The following SLC6A11 variants were observed in gnomAD, a reference collection of about 807,000 sequenced individuals.
The protein encoded by SLC6A11 is sodium- and chloride-dependent GABA transporter 3.
SLC6A11 carries 25 observed loss-of-function variants against 74.8 expected under a neutral mutation model. The ratio of observed to expected loss-of-function variants is 0.33; its 90% confidence interval spans 0.24 to 0.47. The LOEUF is 0.47. Among genes scored for constraint, SLC6A11 ranks in the 20% least tolerant of loss-of-function variants. The pLI is 1.00. For missense variants in SLC6A11, 574 were observed against 837.0 expected, an observed-to-expected ratio of 0.69 and a Z score of 3.88; for synonymous variants, 330 against 330.2, an observed-to-expected ratio of 1.00 and a Z score of 0.01.
chr3:10,896,316 G>A (rs1463700848), intron 6 of SLC6A11, among the ~76,000 whole-genome samples: 2 of 152,222 alleles, frequency 1.3e-5, no homozygotes, highest in African/African-American at 2.4e-5. Flanking sequence ...GCTTTTTCAG[G>A]CCCAAAGGAA....
intron 4 of SLC6A11, among the ~76,000 whole-genome samples, chr3:10,827,151 A>G (rs1336291637): frequency 2.0e-5 from 3 of 152,220 alleles, no homozygotes; most frequent in Admixed American, 6.5e-5. Flanking sequence ...ATATCATCCT[A>G]TGAAAAGCTT....
At chr3:10,861,711 G>A (rs1694704970) in intron 5 of SLC6A11, among the ~76,000 whole-genome samples, 1 of 152,190 alleles carries the variant, frequency 6.6e-6, no homozygotes, top group African/African-American at 2.4e-5. Context: ...GGACCCTGGT[G>A]TCCTGTGGGA....
At chr3:10,908,055 C>G (rs1252964610) in intron 6 of SLC6A11, among the ~76,000 whole-genome samples, 1 of 152,130 alleles carries the variant, frequency 6.6e-6, no homozygotes, top group Admixed American at 6.5e-5. Flanking sequence ...CATGTGAACT[C>G]TAGATTTCAA....
At chr3:10,831,513 A>C (rs1248604706) in intron 4 of SLC6A11, among the ~76,000 whole-genome samples, 1 of 152,220 alleles carries the variant, frequency 6.6e-6, no homozygotes, top group Non-Finnish European at 1.5e-5. Context: ...TATCGTATGT[A>C]ATATATGTGT....
intron 6 of SLC6A11, among the ~76,000 whole-genome samples, chr3:10,896,102 G>C (rs575517172): frequency 6.6e-6 from 1 of 152,260 alleles, no homozygotes; most frequent in Non-Finnish European, 1.5e-5. Flanking sequence ...TGCAGTGAAG[G>C]CTGGGCAGGG....
intron 6 of SLC6A11, among the ~76,000 whole-genome samples, chr3:10,910,819 ATTTTTT>A (rs67011478): frequency 1.6e-5 from 2 of 126,390 alleles, no homozygotes; most frequent in Admixed American, 8.2e-5. Flanking sequence ...GTTGCTGTGA[ATTTTTT>A]TTTTTTTTTT....
chr3:10,907,513 G>A (rs1695321576), intron 6 of SLC6A11, among the ~76,000 whole-genome samples: 1 of 152,180 alleles, frequency 6.6e-6, no homozygotes, highest in Non-Finnish European at 1.5e-5. Flanking sequence ...TGAAAGAGAA[G>A]AATTGCACTT....
At chr3:10,845,133 T>C (rs11708378) in intron 5 of SLC6A11, among the ~76,000 whole-genome samples, 49,264 of 152,084 alleles carry the variant, frequency 0.32, 8,240 homozygotes, top group South Asian at 0.52. Context: ...AGGGGAAGAA[T>C]TCGTTGACAA....
chr3:10,877,914 GT>G (rs1694928790), intron 6 of SLC6A11, among the ~76,000 whole-genome samples: 1 of 152,160 alleles, frequency 6.6e-6, no homozygotes, highest in African/African-American at 2.4e-5. Context: ...GTGAGCAGGG[GT>G]TGATGGGCCC....
intron 3 of SLC6A11, among the ~76,000 whole-genome samples, chr3:10,822,348 G>A (rs749336557): frequency 2.0e-5 from 3 of 152,214 alleles, no homozygotes; most frequent in African/African-American, 7.2e-5. Flanking sequence ...CTAAACAGAG[G>A]GACATGGGTC....
intron 4 of SLC6A11, among the ~76,000 whole-genome samples, chr3:10,836,828 G>A (rs1409793444): frequency 6.6e-6 from 1 of 152,190 alleles, no homozygotes; most frequent in African/African-American, 2.4e-5. Context: ...GCAAACTACT[G>A]GCCAAATCCC....
At chr3:10,862,400 C>T (rs1694712652) in intron 5 of SLC6A11, among the ~76,000 whole-genome samples, 1 of 152,130 alleles carries the variant, frequency 6.6e-6, no homozygotes. Flanking sequence ...CATTGACTCC[C>T]TAGCTAACCT....
At chr3:10,936,917 G>A (rs1177335089) in intron 13 of SLC6A11, among the ~76,000 whole-genome samples, 1 of 152,136 alleles carries the variant, frequency 6.6e-6, no homozygotes, top group African/African-American at 2.4e-5. Flanking sequence ...CATGTCTGCC[G>A]ACGTGGACAG....
At chr3:10,827,627 A>T (rs1248687075) in intron 4 of SLC6A11, among the ~76,000 whole-genome samples, 1 of 152,190 alleles carries the variant, frequency 6.6e-6, no homozygotes, top group Admixed American at 6.5e-5. Context: ...GTCTGCTATT[A>T]TAGTTCAATC....
chr3:10,924,858 G>A (rs1222138655), intron 8 of SLC6A11, among the ~76,000 whole-genome samples: 1 of 152,228 alleles, frequency 6.6e-6, no homozygotes, highest in Non-Finnish European at 1.5e-5. Context: ...AGGATGTGGA[G>A]CCACTGGAAA....
intron 5 of SLC6A11, among the ~76,000 whole-genome samples, chr3:10,862,947 T>G (rs1205833044): frequency 6.6e-6 from 1 of 152,270 alleles, no homozygotes; most frequent in Admixed American, 6.5e-5. Flanking sequence ...GGAATTCAAC[T>G]GCGAGTATTT....
At chr3:10,922,558 T>C (rs900181904) in intron 8 of SLC6A11, among the ~76,000 whole-genome samples, 12 of 152,094 alleles carry the variant, frequency 7.9e-5, no homozygotes, top group Non-Finnish European at 1.2e-4. Flanking sequence ...ACAAGGATGG[T>C]TACCTTCAGG....
At position 10,918,715 on chromosome 3, in the gene SLC6A11, C is replaced by G. The variant is rs757462606; in HGVS notation, c.1120+262C>G. Among the ~76,000 whole-genome samples the G allele has an allele frequency of 6.6e-6, 1 of 152,096 alleles. No individual in the cohort carries two copies. Among genetic ancestry groups the G allele is most frequent in the Non-Finnish European group, 1.5e-5 (1 of 68,016 alleles). On this transcript the variant is annotated intron_variant, in intron 8 of 13. Transcript: ENST00000254488. This position sits in a 1 kb window ranked among gnomAD's most constrained non-coding sequence, Gnocchi z 4.5. ...TTCATTCATTTCTCCCAAGCTTCAC[C>G]GTCTCCCCACTAGCCCGGACCACCA...
In SLC6A11 at chr3:10,816,547, AG is replaced by A; in HGVS notation, c.256+31del. The A allele has an allele frequency of 6.7e-7, 1 of 1,494,480 alleles. No individual in the cohort carries two copies. The highest frequency in any genetic ancestry group is 1.2e-5 in the South Asian group (1 of 82,018). The allele number at this position is 1,494,480 out of a possible 1,614,324, so 92.6% of individuals were successfully genotyped here. On this transcript the variant is annotated intron_variant, in intron 1 of 13. Coordinates refer to ENST00000254488, the MANE Select transcript of SLC6A11 (RefSeq NM_014229.3). The surrounding 1 kb of genome is among the most constrained non-coding windows in gnomAD (Gnocchi z 4.2). Reference sequence around the variant, plus strand: ...GTGAGGTGATAGTGAGGAGAAGGGGAGGGGGCGCCAACCGCCCGGTGGGGGC... The same window carrying A: ...GTGAGGTGATAGTGAGGAGAAGGGGAGGGGCGCCAACCGCCCGGTGGGGGC...
Sources: gnomAD v4.1 joint callset for allele counts (sites outside exome capture counted in the v4.1 genomes callset) on GRCh38, gnomAD v4.1.1 for gene constraint, Gnocchi (gnomAD v3.1) non-coding constraint, MANE v1.5 for transcripts, NCBI Gene and HGNC (gene_info 2026-07-23, HGNC 2026-07-21) for gene names.